The following DNM2 variants were observed in gnomAD, a reference collection of about 807,000 sequenced individuals.
DNM2 encodes the protein dynamin-2.
In DNM2, 15 loss-of-function variants were observed where a neutral mutation model predicts 99.0. The ratio of observed to expected loss-of-function variants is 0.15; its 90% confidence interval spans 0.10 to 0.23. The LOEUF (loss-of-function observed/expected upper bound fraction) is 0.23, where lower values mean the gene tolerates loss of function less well. Ranked by LOEUF, DNM2 falls within the 10% of genes least tolerant of loss-of-function variation. The pLI is 1.00. For synonymous variants in DNM2, 525 were observed against 481.2 expected (o/e 1.09, Z -1.19); for missense variants, 742 against 1,189.4 (o/e 0.62, Z 5.53).
At position 10,807,808 on chromosome 19, in the gene DNM2, C is replaced by A. The variant is rs2072402566; in HGVS notation, c.1546-761C>A. On this transcript the variant is annotated intron_variant, in intron 13 of 20. Coordinates refer to ENST00000389253, the MANE Select transcript of DNM2 (RefSeq NM_001005361.3). ...AGGTGATCCACCCGCCTCGCCCGGA[C>A]AAAGTGCTGGGATTATCATGCCAGC... Among the ~76,000 whole-genome samples the A allele has an allele frequency of 2.0e-5, 3 of 151,136 alleles. No individual in the cohort carries two copies. The South Asian group carries it at 6.3e-4, about 32-fold the overall frequency.
chr19:10,773,304 C>T (rs1273933353), intron 3 of DNM2, among the ~76,000 whole-genome samples: 2 of 151,768 alleles, frequency 1.3e-5, no homozygotes, highest in South Asian at 2.1e-4. Context: ...ACTGCCGCCA[C>T]GCCTGGCAAA....
chr19:10,805,098 G>A (rs894063347), intron 12 of DNM2, among the ~76,000 whole-genome samples: 20 of 152,180 alleles, frequency 1.3e-4, no homozygotes, highest in Non-Finnish European at 5.9e-5. Flanking sequence ...TGTCTATGCC[G>A]GCATGAACTA....
intron 14 of DNM2, 144 bp downstream of exon 14, chr19:10,808,724 C>A: frequency 1.9e-6 from 2 of 1,047,146 alleles, no homozygotes; most frequent in South Asian, 1.5e-5. Flanking sequence ...CCCCATGCCG[C>A]AGCCGGCGCT....
intron 1 of DNM2, among the ~76,000 whole-genome samples, chr19:10,749,601 C>T (rs2070122357): frequency 6.6e-6 from 1 of 152,208 alleles, no homozygotes; most frequent in African/African-American, 2.4e-5. Context: ...AGAGACCTGT[C>T]CAGGGCCACA....
chr19:10,798,550 G>A lies in DNM2; in HGVS notation c.1400G>A (p.Arg467Gln), dbSNP rs776126973. The A allele has an allele frequency of 1.2e-5, 20 of 1,614,096 alleles. No individual in the cohort carries two copies. In the South Asian group the frequency reaches 1.4e-4, roughly 12 times the overall value. The stretch of plus-strand genomic sequence containing the variant: ...ATCGTCACCACTTACATCCGGGAAC[G>A]GGAGGGGAGAACGAAGGACCAGGTA... Reference protein sequence around the residue: ...ERIVTTYIREREGRTKDQILL... With the variant: ...ERIVTTYIREQEGRTKDQILL... The change falls in exon 11 of 21, where the codon CGG (arginine) becomes CAG (glutamine). Residue 467 changes from arginine (R) to glutamine (Q), a missense_variant. This residue lies in a region of DNM2 where 240 missense variants were observed against 431.3 expected (regional missense o/e 0.56). Transcript: ENST00000389253.
intron 7 of DNM2, 39 bp downstream of exon 7, chr19:10,786,745 C>T (rs1568300484): frequency 6.2e-6 from 10 of 1,613,142 alleles, no homozygotes; most frequent in Non-Finnish European, 8.5e-6. Flanking sequence ...CCACCCTGGC[C>T]CCTGCCTTCC....
chr19:10,741,762 A>G (rs1208899492), intron 1 of DNM2, among the ~76,000 whole-genome samples: 2 of 151,124 alleles, frequency 1.3e-5, no homozygotes, highest in Non-Finnish European at 2.9e-5. Flanking sequence ...CGTGTTAGCC[A>G]GGATGGTCTC....
chr19:10,764,728 G>A lies in DNM2; in HGVS notation c.235+4917G>A, dbSNP rs1259092940. On this transcript the variant is annotated intron_variant, in intron 2 of 20. Coordinates refer to ENST00000389253, the MANE Select transcript of DNM2 (RefSeq NM_001005361.3). This position sits in a 1 kb window ranked among gnomAD's most constrained non-coding sequence, Gnocchi z 4.1. ...GGCCTTGTGGCCCTTGCCAGTCTCT[G>A]GGACCTCACCTCCTCCTGGTCCCCA... is the stretch of plus-strand genomic sequence containing the variant. Among the ~76,000 whole-genome samples the A allele has an allele frequency of 6.6e-6, 1 of 152,104 alleles. No individual in the cohort carries two copies. Among genetic ancestry groups the A allele is most frequent in the East Asian group, 1.9e-4 (1 of 5,160 alleles).
rs2072937693 is a variant in DNM2, at chr19:10,820,517, A to G, written c.1781+428A>G. On this transcript the variant is annotated intron_variant, in intron 16 of 20. Coordinates refer to ENST00000389253, the MANE Select transcript of DNM2 (RefSeq NM_001005361.3). The surrounding 1 kb of genome is among the most constrained non-coding windows in gnomAD (Gnocchi z 4.3). ...GGGAAGGAGGGTGCAGATTCTGGGT[A>G]GAAGAGTCAGGCGGAGCCCTGGTGG... is the stretch of plus-strand genomic sequence containing the variant. Among the ~76,000 whole-genome samples the G allele has an allele frequency of 6.6e-6, 1 of 152,256 alleles. No homozygotes were observed. Among genetic ancestry groups the G allele is most frequent in the South Asian group, 2.1e-4 (1 of 4,838 alleles).
At chr19:10,774,614 C>T (rs1020647783) in intron 3 of DNM2, among the ~76,000 whole-genome samples, 7 of 151,802 alleles carry the variant, frequency 4.6e-5, no homozygotes, top group Admixed American at 3.3e-4. Flanking sequence ...TTAGTAGAGA[C>T]GGGGTTTGTC....
intron 2 of DNM2, among the ~76,000 whole-genome samples, chr19:10,762,245 C>A (rs1289158051): frequency 6.6e-6 from 1 of 152,102 alleles, no homozygotes; most frequent in Non-Finnish European, 1.5e-5. Flanking sequence ...ACCATGTTGG[C>A]CAGGCTGGTC....
At chr19:10,763,823 A>C (rs1599503645) in intron 2 of DNM2, among the ~76,000 whole-genome samples, 2 of 152,144 alleles carry the variant, frequency 1.3e-5, no homozygotes, top group African/African-American at 4.8e-5. Flanking sequence ...ACTGGCTGCC[A>C]TGTTCAGGAG....
chr19:10,719,802 TATC>T (rs2068876795), intron 1 of DNM2, among the ~76,000 whole-genome samples: 1 of 152,168 alleles, frequency 6.6e-6, no homozygotes, highest in South Asian at 2.1e-4. Flanking sequence ...GAGGCTGTGT[TATC>T]ATCCCCACCT....
chr19:10,794,335 T>C (rs2146017400), intron 8 of DNM2, among the ~76,000 whole-genome samples: 1 of 129,432 alleles, frequency 7.7e-6, no homozygotes, highest in East Asian at 3.6e-4. Context: ...GATTTGGGAC[T>C]TCTTTTTCCG....
chr19:10,750,439 A>G (rs756137032), intron 1 of DNM2, among the ~76,000 whole-genome samples: 6 of 152,050 alleles, frequency 3.9e-5, no homozygotes, highest in Non-Finnish European at 8.8e-5. Flanking sequence ...TGATTGTGCC[A>G]CTGCACTCCA....
At position 10,830,003 on chromosome 19, in the gene DNM2, GA is replaced by G; in HGVS notation, c.2292-123del. 1.4e-6 allele frequency: 2 copies of G among 1,408,704 alleles called. No homozygotes were observed. The highest frequency in any genetic ancestry group is 2.3e-5 in the South Asian group (2 of 86,380). 87.3% of individuals were successfully genotyped at this position (1,408,704 alleles called of 1,614,324 possible). On this transcript the variant is annotated intron_variant, in intron 19 of 20. Transcript: ENST00000389253. The surrounding 1 kb of genome is among the most constrained non-coding windows in gnomAD (Gnocchi z 4.8). ...ACTGGCGCTCAGGTTGGGGTGGGAG[GA>G]TCCCACTGCGCCTGCGCTGTCCCCA...
At chr19:10,747,655 G>C (rs2070038224) in intron 1 of DNM2, among the ~76,000 whole-genome samples, 1 of 152,206 alleles carries the variant, frequency 6.6e-6, no homozygotes, top group South Asian at 2.1e-4. Context: ...CCTCCTGCCT[G>C]GGTGTGTGTT....
chr19:10,776,187 T>C (rs2071148092), intron 4 of DNM2, among the ~76,000 whole-genome samples: 1 of 152,178 alleles, frequency 6.6e-6, no homozygotes, highest in African/African-American at 2.4e-5. Context: ...CAGCGCTCCA[T>C]CGCCCAGATG....
At position 10,789,469 on chromosome 19, in the gene DNM2, T is replaced by G. The variant is rs536858900; in HGVS notation, c.992+2763T>G. 2.0e-4 allele frequency among the ~76,000 whole-genome samples: 31 copies of G among 151,638 alleles called. No individual in the cohort carries two copies. In the South Asian group the frequency reaches 5.0e-3, roughly 24 times the overall value. On this transcript the variant is annotated intron_variant, in intron 7 of 20. Coordinates refer to ENST00000389253, the MANE Select transcript of DNM2 (RefSeq NM_001005361.3). ...CATGGGGATGCCAAGTCAGGAGGAT[T>G]GCTTAAAGCCAGGAGTTTGAGACCA...
Sources: gnomAD v4.1 joint callset for allele counts (sites outside exome capture counted in the v4.1 genomes callset) on GRCh38, gnomAD v4.1.1 for gene constraint, gnomAD v4.1.1 regional missense constraint, Gnocchi (gnomAD v3.1) non-coding constraint, MANE v1.5 for transcripts, NCBI Gene and HGNC (gene_info 2026-07-23, HGNC 2026-07-21) for gene names.